Variants in ADGRV1 observed in about 807,000 individuals in gnomAD.
The protein encoded by ADGRV1 is G-protein coupled receptor 98.
ADGRV1 carries 359 observed loss-of-function variants against 596.2 expected under a neutral mutation model. The ratio of observed to expected loss-of-function variants is 0.60; its 90% CI spans 0.55 to 0.66. The LOEUF is 0.66. Among genes scored for constraint, ADGRV1 ranks in the 30% least tolerant of loss-of-function variants. ADGRV1 has a pLI of 0.00. For synonymous variants in ADGRV1, 2,681 were observed against 2,679.2 expected, an observed-to-expected ratio of 1.00 and a Z score of -0.02; for missense variants, 7,274 against 7,575.6, an observed-to-expected ratio of 0.96 and a Z score of 1.48.
chr5:90,564,711 C>G (rs1388348162), intron 1 of ADGRV1, among the ~76,000 whole-genome samples: 2 of 34,412 alleles, frequency 5.8e-5, no homozygotes, highest in Middle Eastern at 0.017. Flanking sequence ...ACTGCAAGCT[C>G]CGCCTCCCGG....
At position 91,036,868 on chromosome 5, in the gene ADGRV1, G is replaced by A. The variant is rs550272457; in HGVS notation, c.18153-35579G>A. Among the ~76,000 whole-genome samples, 111 of 152,250 alleles carry A rather than the reference G, an allele frequency of 7.3e-4. 1 individual carries two copies. The highest frequency in any genetic ancestry group is 9.1e-4 in the Non-Finnish European group (62 of 68,016). The stretch of plus-strand genomic sequence containing the variant: ...AAGAGTTTCTGGCAGGAAATTAAAT[G>A]CAAGAAAATAAAAATAAAATATTTT... On this transcript the variant is annotated intron_variant, in intron 85 of 89. Transcript: ENST00000405460.
chr5:90,952,936 T>C (rs1777170750), intron 83 of ADGRV1, among the ~76,000 whole-genome samples: 1 of 152,190 alleles, frequency 6.6e-6, no homozygotes, highest in Non-Finnish European at 1.5e-5. Context: ...AGTGCGAGAA[T>C]ATAAATTTTA....
intron 87 of ADGRV1, among the ~76,000 whole-genome samples, chr5:91,142,495 C>T (rs1795179295): frequency 6.6e-6 from 1 of 152,140 alleles, no homozygotes; most frequent in Non-Finnish European, 1.5e-5. Context: ...GAAGATGTCC[C>T]TCAACTAGGA....
intron 85 of ADGRV1, among the ~76,000 whole-genome samples, chr5:91,024,047 A>T (rs1783840249): frequency 6.6e-6 from 1 of 152,118 alleles, no homozygotes; most frequent in African/African-American, 2.4e-5. Flanking sequence ...CAATTTCTGC[A>T]CCTAGGGCCT....
intron 83 of ADGRV1, among the ~76,000 whole-genome samples, chr5:90,915,544 G>A (rs1773272696): frequency 6.6e-6 from 1 of 152,124 alleles, no homozygotes; most frequent in Non-Finnish European, 1.5e-5. Flanking sequence ...AACTCTTTTA[G>A]AAAGGCAAAA....
At chr5:90,708,785 T>G (rs1748938349) in intron 38 of ADGRV1, 31 bp from the exon 39 acceptor site, 1 of 1,367,934 alleles carries the variant, frequency 7.3e-7, no homozygotes, top group Admixed American at 1.7e-5. Flanking sequence ...AGAGTATAAC[T>G]AAAGGAATTT....
chr5:90,958,459 A>G (rs959526081), intron 83 of ADGRV1, among the ~76,000 whole-genome samples: 1 of 152,184 alleles, frequency 6.6e-6, no homozygotes, highest in African/African-American at 2.4e-5. Flanking sequence ...AAAGGTATCT[A>G]TGAAACTATG....
rs763862349 is a variant in ADGRV1, at chr5:90,642,621, C to T, written c.2241-15C>T. On this transcript the variant is annotated splice_polypyrimidine_tract_variant and intron_variant, in intron 11 of 89. Coordinates refer to ENST00000405460, the MANE Select transcript of ADGRV1 (RefSeq NM_032119.4). The stretch of plus-strand genomic sequence containing the variant: ...TGGAAGTAGCGGGTGCCATTTGTCT[C>T]TCTGACTTCTCTAGGGTTAACGTGG... 2 of 1,607,618 alleles carry T rather than the reference C, an allele frequency of 1.2e-6. No individual in the cohort carries two copies. The highest frequency in any genetic ancestry group is 1.7e-5 in the Admixed American group (1 of 58,776).
chr5:90,708,750 C>A, intron 38 of ADGRV1, 66 bp from the exon 39 acceptor site: 1 of 1,001,384 alleles, frequency 1.0e-6, no homozygotes. Flanking sequence ...AATTTAAAAA[C>A]AGTTTCTGAG....
chr5:90,938,424 G>A (rs891711592), intron 83 of ADGRV1, among the ~76,000 whole-genome samples: 2 of 152,130 alleles, frequency 1.3e-5, no homozygotes, highest in African/African-American at 4.8e-5. Context: ...CATAAACATT[G>A]AAAAGTATGG....
chr5:91,086,488 C>T (rs1330951108), intron 86 of ADGRV1, among the ~76,000 whole-genome samples: 2 of 152,142 alleles, frequency 1.3e-5, no homozygotes, highest in Non-Finnish European at 2.9e-5. Flanking sequence ...TACTCATACT[C>T]TCAGATGAGT....
intron 83 of ADGRV1, among the ~76,000 whole-genome samples, chr5:90,951,487 TTTTA>T (rs147138058): frequency 0.12 from 18,328 of 152,142 alleles, 1,096 homozygotes; most frequent in East Asian, 0.18. Flanking sequence ...TAAAATTTTA[TTTTA>T]TTTTTTTCAC....
In ADGRV1 at chr5:90,627,350, T is replaced by C. The variant is rs1395170365; in HGVS notation, c.812T>C (p.Leu271Ser). ...GTGAGATTCCTTCAGAGTATTTATT[T>C]GGTTCCTGAGGAAGACCACATACTC... is the stretch of plus-strand genomic sequence containing the variant. ...SPVRFLQSIYLVPEEDHILII... is the reference protein window; with the variant it reads ...SPVRFLQSIYSVPEEDHILII... The change falls in exon 7 of 90, where the codon TTG (leucine) becomes TCG (serine). Residue 271 changes from leucine to serine, a missense_variant. Physicochemically the swap from Leu to Ser is moderately radical, Grantham distance 145. Coordinates refer to ENST00000405460, the MANE Select transcript of ADGRV1 (RefSeq NM_032119.4). 1 of 1,613,938 alleles carries C rather than the reference T, an allele frequency of 6.2e-7. No homozygotes were observed. Among genetic ancestry groups the C allele is most frequent in the South Asian group, 1.1e-5 (1 of 91,074 alleles).
At chr5:90,670,995 G>A (rs187112108) in intron 21 of ADGRV1, among the ~76,000 whole-genome samples, 2 of 152,332 alleles carry the variant, frequency 1.3e-5, no homozygotes, top group East Asian at 1.9e-4. Flanking sequence ...CAATGGGTAC[G>A]TAGTGATAGG....
Position 90,685,994 on chromosome 5 carries a change from T to C in ADGRV1, c.6489T>C (p.Ala2163=), listed in dbSNP as rs746331284. 2 of 1,565,708 alleles carry C rather than the reference T, an allele frequency of 1.3e-6. No individual in the cohort carries two copies. The highest frequency in any genetic ancestry group is 1.7e-6 in the Non-Finnish European group (2 of 1,151,448). Residue 2163 remains alanine (A), a splice_region_variant and synonymous_variant, in exon 29 of 90, where the codon GCT becomes GCC. Coordinates refer to ENST00000405460, the MANE Select transcript of ADGRV1 (RefSeq NM_032119.4). ...AAGCTGTGCCAATAACTGCAATAGC[T>C]GGTAAGAAAAGACATCTAAAAAGCA... ...KFKAVPITAI[A]GEDYSIASSD...
chr5:91,058,288 A>T (rs1787083401), intron 85 of ADGRV1, among the ~76,000 whole-genome samples: 1 of 152,022 alleles, frequency 6.6e-6, no homozygotes, highest in African/African-American at 2.4e-5. Context: ...CTTATTTTTT[A>T]AAGAAGGAAG....
Position 90,842,850 on chromosome 5 carries a change from A to T in ADGRV1, c.17019+1865A>T, listed in dbSNP as rs1048118764. 2.0e-5 allele frequency among the ~76,000 whole-genome samples: 3 copies of T among 152,208 alleles called. No homozygotes were observed. In the East Asian group the frequency reaches 5.8e-4, roughly 29 times the overall value. ...ATCAAGTTATTGTCACTACTTTTTT[A>T]AAAATAGTATGATATAATGTACTCT... On this transcript the variant is annotated intron_variant, in intron 78 of 89. Transcript: ENST00000405460.
chr5:90,735,415 T>A (rs1753093434), intron 50 of ADGRV1, among the ~76,000 whole-genome samples: 1 of 152,246 alleles, frequency 6.6e-6, no homozygotes, highest in Admixed American at 6.5e-5. Context: ...TTGATCATAA[T>A]TGCTTTATAT....
chr5:90,715,588 G>C (rs187176213), intron 42 of ADGRV1, among the ~76,000 whole-genome samples: 4 of 152,036 alleles, frequency 2.6e-5, no homozygotes, highest in African/African-American at 9.6e-5. Context: ...TCTTCATATA[G>C]GTTTTATAGT....
Sources: allele counts gnomAD v4.1 joint callset (sites outside exome capture counted in the v4.1 genomes callset), GRCh38; gene constraint gnomAD v4.1.1; transcripts MANE v1.5; gene names NCBI Gene and HGNC (gene_info 2026-07-23, HGNC 2026-07-21).